The following SUGCT variants were observed in gnomAD, a reference collection of about 807,000 sequenced individuals.
The protein encoded by SUGCT is succinyl-CoA:glutarate-CoA transferase, also known as succinyl-CoA:glutarate CoA-transferase.
In SUGCT, 41 loss-of-function variants were observed where a neutral mutation model predicts 55.0. That is an observed-to-expected ratio of 0.74 (90% CI 0.58 to 0.97). The LOEUF (loss-of-function observed/expected upper bound fraction) is 0.97, where lower values mean the gene tolerates loss of function less well. SUGCT is among the 50% of genes least tolerant of loss of function. SUGCT has a pLI of 0.00. For missense variants in SUGCT, 568 were observed against 547.8 expected (o/e 1.04, Z -0.37); for synonymous variants, 187 against 200.4 (o/e 0.93, Z 0.56).
At chr7:40,602,665 AC>A (rs1443921067) in intron 12 of SUGCT, among the ~76,000 whole-genome samples, 3 of 152,034 alleles carry the variant, frequency 2.0e-5, no homozygotes, top group Non-Finnish European at 4.4e-5. Flanking sequence ...GCTGATCATG[AC>A]CCTCACTCTT....
intron 12 of SUGCT, among the ~76,000 whole-genome samples, chr7:40,651,200 A>G (rs1367452383): frequency 2.0e-5 from 3 of 152,196 alleles, no homozygotes; most frequent in African/African-American, 7.2e-5. Flanking sequence ...ATGTATTCCC[A>G]TTCCTACCAA....
the SUGCT span, among the ~76,000 whole-genome samples, chr7:40,964,342 T>A: frequency 6.6e-6 from 1 of 152,208 alleles, no homozygotes; most frequent in Non-Finnish European, 1.5e-5. Flanking sequence ...TTTGAACATC[T>A]TATTTGCATG....
chr7:40,946,473 G>A, the SUGCT span, among the ~76,000 whole-genome samples: 1 of 152,188 alleles, frequency 6.6e-6, no homozygotes, highest in Admixed American at 6.5e-5. Flanking sequence ...GCACAGAAGA[G>A]TCAGCAAAGG....
At chr7:40,919,856 G>T in the SUGCT span, among the ~76,000 whole-genome samples, 3 of 152,246 alleles carry the variant, frequency 2.0e-5, no homozygotes, top group Admixed American at 1.3e-4. Context: ...TTCACAGCCT[G>T]ACTCCTCCTG....
At chr7:41,036,140 C>A in the SUGCT span, among the ~76,000 whole-genome samples, 4,255 of 152,214 alleles carry the variant, frequency 0.028, 192 homozygotes, top group African/African-American at 0.097. Flanking sequence ...GAGGCTCAAA[C>A]AAATTTGTGG....
At chr7:41,012,969 C>T in the SUGCT span, among the ~76,000 whole-genome samples, 4 of 151,358 alleles carry the variant, frequency 2.6e-5, no homozygotes, top group Non-Finnish European at 5.9e-5. Context: ...CAGCACAGCA[C>T]CATCTGCAAG....
Position 40,406,670 on chromosome 7 carries a change from C to T in SUGCT, c.817-42617C>T, listed in dbSNP as rs560235939. Among the ~76,000 whole-genome samples the T allele has an allele frequency of 2.6e-5, 4 of 152,208 alleles. No homozygotes were observed. The East Asian group carries it at 5.8e-4, about 22-fold the overall frequency. On this transcript the variant is annotated intron_variant, in intron 9 of 13. Transcript: ENST00000335693. ...AGAGTTAACCTGATTAGGGTTTGTT[C>T]AATTGTGAGTTAATGTACACTATTC...
intron 13 of SUGCT, among the ~76,000 whole-genome samples, chr7:40,828,093 A>G (rs1376207564): frequency 1.3e-5 from 2 of 152,228 alleles, no homozygotes; most frequent in Non-Finnish European, 2.9e-5. Context: ...TGTTCGGTGA[A>G]GGCTCTGAAA....
chr7:40,734,651 T>G (rs577829580), intron 12 of SUGCT, among the ~76,000 whole-genome samples: 45 of 152,200 alleles, frequency 3.0e-4, no homozygotes, highest in Non-Finnish European at 6.0e-4. Context: ...TGTGCATTTT[T>G]TTTTTGTTAT....
intron 9 of SUGCT, among the ~76,000 whole-genome samples, chr7:40,401,754 A>G (rs1583602050): frequency 1.3e-5 from 2 of 152,314 alleles, no homozygotes; most frequent in South Asian, 2.1e-4. Flanking sequence ...TTTACATAAG[A>G]CCAGAAATAA....
At chr7:40,916,335 G>A in the SUGCT span, among the ~76,000 whole-genome samples, 5 of 152,144 alleles carry the variant, frequency 3.3e-5, no homozygotes, top group African/African-American at 1.2e-4. Context: ...TCTGATTGCA[G>A]TGGTTGATTG....
chr7:40,735,338 G>C (rs74455554), intron 12 of SUGCT, among the ~76,000 whole-genome samples: 1 of 151,876 alleles, frequency 6.6e-6, no homozygotes, highest in Non-Finnish European at 1.5e-5. Context: ...GTTATTTTTC[G>C]TATTTTCTGG....
the SUGCT span, among the ~76,000 whole-genome samples, chr7:40,873,220 C>T: frequency 1.3e-5 from 2 of 152,130 alleles, no homozygotes; most frequent in African/African-American, 4.8e-5. Context: ...AAAAAACTTA[C>T]CAATGAGCTT....
chr7:41,011,957 A>T, the SUGCT span, among the ~76,000 whole-genome samples: 1 of 151,930 alleles, frequency 6.6e-6, no homozygotes, highest in African/African-American at 2.4e-5. Flanking sequence ...AGTTCCCTTC[A>T]TCGGTGGTGT....
intron 12 of SUGCT, among the ~76,000 whole-genome samples, chr7:40,722,546 G>A (rs750348465): frequency 1.3e-5 from 2 of 152,124 alleles, no homozygotes; most frequent in Non-Finnish European, 2.9e-5. Flanking sequence ...GCATGAAAAT[G>A]GACTTTTTTG....
At chr7:40,446,151 G>T (rs944955964) in intron 9 of SUGCT, among the ~76,000 whole-genome samples, 10 of 152,012 alleles carry the variant, frequency 6.6e-5, no homozygotes, top group Admixed American at 2.6e-4. Context: ...ATTGATAAAA[G>T]ATATATTTAA....
intron 3 of SUGCT, among the ~76,000 whole-genome samples, chr7:40,185,689 A>AT (rs1250553959): frequency 1.3e-5 from 2 of 152,016 alleles, no homozygotes; most frequent in Admixed American, 6.6e-5. Context: ...CCCCCGGCTA[A>AT]TTTTTTTATT....
At chr7:40,144,454 G>A (rs73312916) in intron 1 of SUGCT, among the ~76,000 whole-genome samples, 6,595 of 152,228 alleles carry the variant, frequency 0.043, 485 homozygotes, top group African/African-American at 0.15. Flanking sequence ...TGACTCAGGT[G>A]TGATGAGTCT....
rs536934045 is a variant in SUGCT at position 40,537,279 on chromosome 7, A to G, written c.1089+40893A>G. Among the ~76,000 whole-genome samples the G allele has an allele frequency of 1.3e-3, 193 of 152,268 alleles. 1 individual carries two copies. Among genetic ancestry groups the G allele is most frequent in the African/African-American group, 4.4e-3 (182 of 41,552 alleles). ...CAGAACTGTGAGTTCCAGGTTCAGG[A>G]AAGCTGTGTTCCCTGTCCCATCTGC... On this transcript the variant is annotated intron_variant, in intron 12 of 13. Coordinates refer to ENST00000335693, the MANE Select transcript of SUGCT (RefSeq NM_001193313.2).
Sources: allele counts gnomAD v4.1 joint callset (sites outside exome capture counted in the v4.1 genomes callset), GRCh38; gene constraint gnomAD v4.1.1; transcripts MANE v1.5; gene names NCBI Gene and HGNC (gene_info 2026-07-23, HGNC 2026-07-21).